SEPTIN10: variants seen among roughly 807,000 people sequenced by gnomAD.
SEPTIN10 encodes septin-10.
SEPTIN10 carries 66 observed loss-of-function variants against 54.8 expected under a neutral mutation model. That is an observed-to-expected ratio of 1.21 (90% CI 0.99 to 1.48). The LOEUF is 1.48. SEPTIN10 is among the 40% of genes most tolerant of loss of function. The pLI is 0.00. For synonymous variants in SEPTIN10, 161 were observed against 181.0 expected (o/e 0.89, Z 0.89); for missense variants, 620 against 545.6 (o/e 1.14, Z -1.36).
chr2:109,570,408 CAACT>C (rs1277353970), intron 5 of SEPTIN10, among the ~76,000 whole-genome samples: 24 of 152,176 alleles, frequency 1.6e-4, no homozygotes, highest in Middle Eastern at 3.4e-3. Context: ...CAGATTCAAC[CAACT>C]GAGGATCAAA....
intron 9 of SEPTIN10, among the ~76,000 whole-genome samples, chr2:109,546,883 GATAAAGA>G (rs1178121063): frequency 6.6e-6 from 1 of 152,080 alleles, no homozygotes; most frequent in Non-Finnish European, 1.5e-5. Flanking sequence ...AGCCAATAAA[GATAAAGA>G]ATAAATTAAT....
Position 109,613,943 on chromosome 2 carries a change from G to A in SEPTIN10, c.-116C>T. 1 of 1,216,752 alleles carries A rather than the reference G, an allele frequency of 8.2e-7. No homozygotes were observed. Among genetic ancestry groups the A allele is most frequent in the South Asian group, 4.1e-5 (1 of 24,336 alleles). 75.4% of individuals were successfully genotyped at this position (1,216,752 alleles called of 1,614,324 possible). On this transcript the variant is annotated 5_prime_UTR_variant, in exon 1 of 11. Coordinates refer to ENST00000397712, the MANE Select transcript of SEPTIN10 (RefSeq NM_144710.5). ...AAGCAACGGGCGGGGCGCGAGGCTA[G>A]GCTGCCTCCGCGACGGGGAAGGGAC...
intron 1 of SEPTIN10, among the ~76,000 whole-genome samples, chr2:109,597,438 A>T (rs1423565728): frequency 6.6e-6 from 1 of 152,228 alleles, no homozygotes; most frequent in Non-Finnish European, 1.5e-5. Context: ...TAGGCTCCGC[A>T]GTCTCAACAG....
At chr2:109,590,711 G>A (rs1382335489) in intron 2 of SEPTIN10, among the ~76,000 whole-genome samples, 1 of 152,158 alleles carries the variant, frequency 6.6e-6, no homozygotes, top group African/African-American at 2.4e-5. Flanking sequence ...TTACAGGTGT[G>A]AGCCATTATG....
At chr2:109,584,630 A>T (rs993128877) in intron 4 of SEPTIN10, among the ~76,000 whole-genome samples, 3 of 152,170 alleles carry the variant, frequency 2.0e-5, no homozygotes, top group Non-Finnish European at 4.4e-5. Context: ...GAGAAATATT[A>T]AAACAAATAG....
intron 4 of SEPTIN10, among the ~76,000 whole-genome samples, chr2:109,579,414 G>A (rs1040482818): frequency 2.8e-5 from 4 of 142,988 alleles, no homozygotes; most frequent in South Asian, 2.2e-4. Context: ...ATGGAGTTTC[G>A]CTCTTGTTGA....
chr2:109,553,249 TA>T, intron 8 of SEPTIN10, 30 bp from the exon 9 acceptor site: 1 of 1,610,856 alleles, frequency 6.2e-7, no homozygotes. Flanking sequence ...ACTCTCCTGC[TA>T]AAAAGTGATA....
chr2:109,567,921 T>C lies in SEPTIN10; in HGVS notation c.656A>G (p.Gln219Arg), dbSNP rs1437746212. The C allele has an allele frequency of 1.9e-6, 3 of 1,613,858 alleles. No homozygotes were observed. The highest frequency in any genetic ancestry group is 2.5e-6 in the Non-Finnish European group (3 of 1,179,876). The change falls in exon 6 of 11, where the codon CAG becomes CGG. Residue 219 changes from glutamine to arginine, a missense_variant. Coordinates refer to ENST00000397712, the MANE Select transcript of SEPTIN10 (RefSeq NM_144710.5). The stretch of plus-strand genomic sequence containing the variant: ...ACTCATGAGCTTGATCTTAAACTTC[T>C]GTAATTCAGTTTTAGAAACCGTATC... ...KADTVSKTEL[Q>R]KFKIKLMSEL...
intron 9 of SEPTIN10, among the ~76,000 whole-genome samples, chr2:109,550,881 C>T (rs1322900540): frequency 6.6e-6 from 1 of 152,110 alleles, no homozygotes; most frequent in Non-Finnish European, 1.5e-5. Flanking sequence ...TTGTAAATTA[C>T]CGAGCATACT....
At chr2:109,609,839 T>G (rs566992474) in intron 1 of SEPTIN10, among the ~76,000 whole-genome samples, 1 of 152,016 alleles carries the variant, frequency 6.6e-6, no homozygotes, top group Admixed American at 6.6e-5. Flanking sequence ...TAAGGATAAC[T>G]GAAGAAGTGG....
intron 4 of SEPTIN10, among the ~76,000 whole-genome samples, chr2:109,582,424 A>G (rs982821327): frequency 1.3e-5 from 2 of 152,130 alleles, no homozygotes; most frequent in African/African-American, 4.8e-5. Context: ...GGCTCAAGTG[A>G]TAGTCCCACT....
chr2:109,563,940 G>GT (rs1686285568), intron 8 of SEPTIN10, among the ~76,000 whole-genome samples: 1 of 152,140 alleles, frequency 6.6e-6, no homozygotes, highest in Admixed American at 6.6e-5. Context: ...GGGCAACATA[G>GT]TAAGACCCTG....
chr2:109,566,791 A>AG (rs1437853415), intron 6 of SEPTIN10, among the ~76,000 whole-genome samples: 1 of 152,194 alleles, frequency 6.6e-6, no homozygotes, highest in East Asian at 1.9e-4. Context: ...TGCAATAGCT[A>AG]GGTTCAGGGG....
intron 8 of SEPTIN10, among the ~76,000 whole-genome samples, chr2:109,555,215 A>C (rs1378516126): frequency 6.6e-6 from 1 of 152,212 alleles, no homozygotes; most frequent in Non-Finnish European, 1.5e-5. Context: ...CACCTCCTTT[A>C]AATTGCACTC....
intron 8 of SEPTIN10, among the ~76,000 whole-genome samples, chr2:109,553,471 G>C (rs1683555802): frequency 6.6e-6 from 1 of 151,734 alleles, no homozygotes; most frequent in Admixed American, 6.6e-5. Context: ...CTGAACCCAG[G>C]AGGCAGAGAT....
intron 8 of SEPTIN10, among the ~76,000 whole-genome samples, chr2:109,559,177 C>G (rs941735500): frequency 6.6e-6 from 1 of 152,182 alleles, no homozygotes; most frequent in African/African-American, 2.4e-5. Flanking sequence ...TAAGCCACCA[C>G]GCCTGGCCAG....
intron 1 of SEPTIN10, among the ~76,000 whole-genome samples, chr2:109,608,354 A>G (rs1419533466): frequency 6.6e-6 from 1 of 152,202 alleles, no homozygotes; most frequent in Non-Finnish European, 1.5e-5. Context: ...AACTCTTTCT[A>G]TGTAACACGC....
chr2:109,612,569 A>G (rs1255881580), intron 1 of SEPTIN10, among the ~76,000 whole-genome samples: 1 of 152,258 alleles, frequency 6.6e-6, no homozygotes, highest in Admixed American at 6.5e-5. Flanking sequence ...AGTTAGCCTC[A>G]AAGCAAATTA....
At chr2:109,569,661 G>A (rs576553311) in intron 5 of SEPTIN10, among the ~76,000 whole-genome samples, 1 of 152,082 alleles carries the variant, frequency 6.6e-6, no homozygotes, top group East Asian at 1.9e-4. Flanking sequence ...AAACATTTTG[G>A]TGCCAAGTCC....
Sources: allele counts gnomAD v4.1 joint callset (sites outside exome capture counted in the v4.1 genomes callset), GRCh38; gene constraint gnomAD v4.1.1; transcripts MANE v1.5; gene names NCBI Gene and HGNC (gene_info 2026-07-23, HGNC 2026-07-21).